The following SERGEF variants were observed in gnomAD, a reference collection of about 807,000 sequenced individuals.
SERGEF encodes secretion-regulating guanine nucleotide exchange factor.
SERGEF carries 51 observed loss-of-function variants against 50.0 expected under a neutral mutation model. That is an observed-to-expected ratio of 1.02 (90% confidence interval 0.81 to 1.29). The LOEUF is 1.29. SERGEF is among the 50% of genes most tolerant of loss of function. The pLI is 0.00. For missense variants in SERGEF, 521 were observed against 557.0 expected (o/e 0.94, Z 0.65); for synonymous variants, 205 against 212.4 (o/e 0.97, Z 0.30).
chr11:17,800,284 C>T (rs1272812431), intron 10 of SERGEF, among the ~76,000 whole-genome samples: 1 of 152,156 alleles, frequency 6.6e-6, no homozygotes, highest in Admixed American at 6.5e-5. Context: ...CAACATCCCG[C>T]ACCACTGACA....
At chr11:17,927,420 C>T (rs1267948579) in intron 9 of SERGEF, among the ~76,000 whole-genome samples, 1 of 152,200 alleles carries the variant, frequency 6.6e-6, no homozygotes. Flanking sequence ...TTCTGTGAGG[C>T]TGCTGTAAAC....
chr11:17,919,183 T>C (rs1852108829), intron 9 of SERGEF, among the ~76,000 whole-genome samples: 1 of 152,200 alleles, frequency 6.6e-6, no homozygotes, highest in Non-Finnish European at 1.5e-5. Context: ...TGAGCATTAG[T>C]AAATTCTCAA....
intron 10 of SERGEF, among the ~76,000 whole-genome samples, chr11:17,812,470 T>A (rs944657660): frequency 1.3e-5 from 2 of 152,208 alleles, no homozygotes; most frequent in Admixed American, 6.5e-5. Flanking sequence ...CAGGGTTAGA[T>A]CTGGCAGGTT....
At chr11:17,878,322 T>C in intron 9 of SERGEF, 78 bp from the exon 10 acceptor site, 1 of 1,179,100 alleles carries the variant, frequency 8.5e-7, no homozygotes, top group Non-Finnish European at 1.2e-6. Flanking sequence ...TCTTTTCTAA[T>C]GACACTAACA....
intron 9 of SERGEF, among the ~76,000 whole-genome samples, chr11:17,897,474 A>T (rs1050293564): frequency 6.6e-5 from 10 of 152,232 alleles, no homozygotes; most frequent in African/African-American, 2.4e-4. Context: ...TTATGCAGCA[A>T]GAGAGAACTA....
intron 1 of SERGEF, chr11:18,012,468 T>G (rs770904665): frequency 1.9e-6 from 2 of 1,076,842 alleles, no homozygotes; most frequent in East Asian, 2.1e-4. Context: ...GCAGGGTCTG[T>G]GCCTTGTGCG....
intron 10 of SERGEF, among the ~76,000 whole-genome samples, chr11:17,850,988 A>G (rs778118484): frequency 9.8e-5 from 15 of 152,290 alleles, no homozygotes; most frequent in Non-Finnish European, 2.1e-4. Flanking sequence ...TATTCACTAT[A>G]TAACATTGGA....
At chr11:17,966,449 G>T (rs751220796) in intron 8 of SERGEF, among the ~76,000 whole-genome samples, 1 of 152,048 alleles carries the variant, frequency 6.6e-6, no homozygotes, top group Non-Finnish European at 1.5e-5. Context: ...TGAGAGAACC[G>T]CAACAGATGA....
intron 8 of SERGEF, among the ~76,000 whole-genome samples, chr11:17,971,224 C>T (rs541591366): frequency 6.6e-6 from 1 of 152,130 alleles, no homozygotes; most frequent in African/African-American, 2.4e-5. Context: ...AGAAAAGAAG[C>T]TGTTTCCAAA....
At chr11:17,912,437 G>A (rs935838221) in intron 9 of SERGEF, among the ~76,000 whole-genome samples, 4 of 152,124 alleles carry the variant, frequency 2.6e-5, no homozygotes, top group Non-Finnish European at 4.4e-5. Flanking sequence ...GATATGATAC[G>A]ACAGTTACAT....
At position 17,919,310 on chromosome 11, in the gene SERGEF, G is replaced by T. The variant is rs527719974; in HGVS notation, c.1011+40160C>A. 2.1e-4 allele frequency among the ~76,000 whole-genome samples: 32 copies of T among 152,300 alleles called. No individual in the cohort carries two copies. In the South Asian group the frequency reaches 6.4e-3, roughly 31 times the overall value. On this transcript the variant is annotated intron_variant, in intron 9 of 10. Transcript: ENST00000265965. ...TGCATCATGGCCTGAAAAGGAAAGG[G>T]TAAGGGGAGGGATGGAGATGGAGAG...
intron 9 of SERGEF, among the ~76,000 whole-genome samples, chr11:17,946,510 T>C (rs1274127981): frequency 6.6e-6 from 1 of 152,162 alleles, no homozygotes; most frequent in African/African-American, 2.4e-5. Context: ...GGCCACCAGA[T>C]AGATCATCAT....
chr11:17,874,929 TAGA>T (rs1851213806), intron 10 of SERGEF, among the ~76,000 whole-genome samples: 1 of 152,116 alleles, frequency 6.6e-6, no homozygotes, highest in Non-Finnish European at 1.5e-5. Flanking sequence ...GGTCTTAATA[TAGA>T]ATAATAATAA....
In SERGEF at chr11:17,864,259, C is replaced by T. The variant is rs557182355; in HGVS notation, c.1048+13949G>A. Among the ~76,000 whole-genome samples the T allele has an allele frequency of 1.5e-3, 232 of 152,324 alleles. 1 individual carries two copies. The highest frequency in any genetic ancestry group is 6.8e-3 in the Middle Eastern group (2 of 294). ...GCATTGTGCTAAACAGGTGGTCAACCTTGTGCCTAAAATGGCCAGCATGAA... is the reference window on the plus strand; with the variant it reads ...GCATTGTGCTAAACAGGTGGTCAACTTTGTGCCTAAAATGGCCAGCATGAA... On this transcript the variant is annotated intron_variant, in intron 10 of 10. Transcript: ENST00000265965.
chr11:17,981,882 C>T (rs564479989), intron 8 of SERGEF, among the ~76,000 whole-genome samples: 70 of 152,234 alleles, frequency 4.6e-4, no homozygotes, highest in Middle Eastern at 3.4e-3. Flanking sequence ...CTTACTGCAA[C>T]CTCCACCTCC....
intron 9 of SERGEF, among the ~76,000 whole-genome samples, chr11:17,895,598 A>G (rs1851604811): frequency 6.6e-6 from 1 of 152,226 alleles, no homozygotes; most frequent in South Asian, 2.1e-4. Context: ...GGTACAAAAT[A>G]AAGTTGTAGA....
intron 9 of SERGEF, among the ~76,000 whole-genome samples, chr11:17,909,917 G>C (rs188544090): frequency 6.6e-6 from 1 of 152,216 alleles, no homozygotes; most frequent in East Asian, 1.9e-4. Context: ...CACCCCTTAG[G>C]GCCAGAGACT....
At chr11:17,788,531 T>G (rs569603885) in intron 10 of SERGEF, 118 bp from the exon 11 acceptor site, 15 of 830,340 alleles carry the variant, frequency 1.8e-5, no homozygotes, top group Admixed American at 6.2e-5. Context: ...ACGCCAAAGC[T>G]TAAGGACACA....
chr11:17,949,856 C>G (rs546065775), intron 9 of SERGEF, among the ~76,000 whole-genome samples: 2 of 152,232 alleles, frequency 1.3e-5, no homozygotes, highest in East Asian at 3.9e-4. Flanking sequence ...GTTTGTAAGA[C>G]TAGGTGGCAG....
Sources: allele counts gnomAD v4.1 joint callset (sites outside exome capture counted in the v4.1 genomes callset), GRCh38; gene constraint gnomAD v4.1.1; transcripts MANE v1.5; gene names NCBI Gene and HGNC (gene_info 2026-07-23, HGNC 2026-07-21).